Variants in NEUROD1 observed in about 807,000 individuals in gnomAD.
The protein encoded by NEUROD1 is neuronal differentiation 1.
A neutral mutation model predicts 21.8 loss-of-function variants in NEUROD1; 9 were observed. The ratio of observed to expected loss-of-function variants is 0.41; its 90% CI spans 0.25 to 0.72. The LOEUF is 0.72. Ranked by LOEUF, NEUROD1 falls within the 30% of genes least tolerant of loss-of-function variation. The pLI is 0.31. For synonymous variants in NEUROD1, 199 were observed against 186.2 expected (o/e 1.07, Z -0.56); for missense variants, 434 against 468.8 (o/e 0.93, Z 0.69).
At chr2:181,675,689 T>A (rs1688559320), downstream of NEUROD1, among the ~76,000 whole-genome samples, 1 of 150,368 alleles carries the variant, frequency 6.7e-6, no homozygotes, top group African/African-American at 2.5e-5. Flanking sequence ...ATAGACAGAA[T>A]CATCCATAAG....
chr2:181,669,324 CA>C (rs1214703735), downstream of NEUROD1, among the ~76,000 whole-genome samples: 2 of 152,012 alleles, frequency 1.3e-5, no homozygotes, highest in African/African-American at 2.4e-5. Context: ...TAATATAATG[CA>C]AAAAACAATT....
chr2:181,678,260 G>T lies in NEUROD1; in HGVS notation c.601C>A (p.Gln201Lys), dbSNP rs2105594926. The change falls in exon 2 of 2, where the codon CAG (glutamine) becomes AAG (lysine). Residue 201 changes from glutamine (Q) to lysine (K), a missense_variant. By Grantham distance (53) the Gln-to-Lys change is moderately conservative. Coordinates refer to ENST00000295108, the MANE Select transcript of NEUROD1 (RefSeq NM_002500.5). This position sits in a 1 kb window ranked among gnomAD's most constrained non-coding sequence, Gnocchi z 5.5. Reference sequence around the variant, plus strand: ...GTCGGCAGGTGGGGGGGCATGTCCTGGTTCTGCTCAGGCAGAAAAGTCCGA... The same window carrying T: ...GTCGGCAGGTGGGGGGGCATGTCCTTGTTCTGCTCAGGCAGAAAAGTCCGA... ...NPRTFLPEQN[Q>K]DMPPHLPTAS... 6.2e-7 allele frequency: 1 copy of T among 1,614,154 alleles called. No homozygotes were observed. Among genetic ancestry groups the T allele is most frequent in the South Asian group, 1.1e-5 (1 of 91,086 alleles).
downstream of NEUROD1, among the ~76,000 whole-genome samples, chr2:181,669,742 A>G (rs1339303125): frequency 6.6e-6 from 1 of 152,228 alleles, no homozygotes; most frequent in Non-Finnish European, 1.5e-5. Flanking sequence ...AGTACCAACT[A>G]TCCCAAAACA....
At chr2:181,670,520 A>G (rs17270924) in exon 2 of NEUROD1, among the ~76,000 whole-genome samples, 41,479 of 152,088 alleles carry the variant, frequency 0.27, 6,822 homozygotes, top group Middle Eastern at 0.4. Context: ...AGATTTTAGT[A>G]TACCTATCAG....
Position 181,670,488 on chromosome 2 carries a change from A to G in NEUROD1, n.3458T>C, listed in dbSNP as rs1208051933. Among the ~76,000 whole-genome samples, 4 of 152,344 alleles carry G rather than the reference A, an allele frequency of 2.6e-5. No homozygotes were observed. The East Asian group carries it at 7.7e-4, about 29-fold the overall frequency. On this transcript the variant is annotated non_coding_transcript_exon_variant, in exon 2 of 2. Transcript: ENST00000496876. ...TAAATGAACTCTCCTATACTTATAT[A>G]TATTTAACATCAATTCATTAGAGAT...
At chr2:181,671,023 GTGCA>G (rs1688490268) in exon 2 of NEUROD1, among the ~76,000 whole-genome samples, 1 of 112,962 alleles carries the variant, frequency 8.9e-6, no homozygotes. Flanking sequence ...TAGCATATGT[GTGCA>G]CACACACACA....
chr2:181,676,291 T>C (rs1486858534), downstream of NEUROD1, among the ~76,000 whole-genome samples: 1 of 152,188 alleles, frequency 6.6e-6, no homozygotes, highest in Non-Finnish European at 1.5e-5. Context: ...ATTATCTACA[T>C]AGAACTGGTG....
At chr2:181,675,454 G>T (rs1400773288), downstream of NEUROD1, among the ~76,000 whole-genome samples, 1 of 152,124 alleles carries the variant, frequency 6.6e-6, no homozygotes, top group Non-Finnish European at 1.5e-5. Context: ...TCACCAATGA[G>T]AAGGAGATTA....
chr2:181,671,402 T>C (rs1688496390), exon 2 of NEUROD1, among the ~76,000 whole-genome samples: 1 of 152,142 alleles, frequency 6.6e-6, no homozygotes, highest in Admixed American at 6.6e-5. Context: ...GATTATTCAG[T>C]TAACAAACAA....
downstream of NEUROD1, among the ~76,000 whole-genome samples, chr2:181,672,231 G>C (rs1688509150): frequency 6.6e-6 from 1 of 152,146 alleles, no homozygotes; most frequent in African/African-American, 2.4e-5. Context: ...GGGGGAGTTT[G>C]GTGCCATGCA....
intron 1 of NEUROD1, 102 bp downstream of exon 1, chr2:181,680,328 C>A (rs1288699615): frequency 6.6e-6 from 1 of 152,218 alleles, no homozygotes; most frequent in Non-Finnish European, 1.5e-5. Context: ...TCTCAATACA[C>A]ATACACACTC....
At chr2:181,669,964 C>T (rs1688473339), downstream of NEUROD1, among the ~76,000 whole-genome samples, 1 of 152,090 alleles carries the variant, frequency 6.6e-6, no homozygotes, top group Non-Finnish European at 1.5e-5. Context: ...TCCTATAAAA[C>T]CCAAAAATAG....
Position 181,678,978 on chromosome 2 carries a change from G to T in NEUROD1, c.-11-107C>A. 1 of 1,355,292 alleles carries T rather than the reference G, an allele frequency of 7.4e-7. No homozygotes were observed. The highest frequency in any genetic ancestry group is 1.0e-6 in the Non-Finnish European group (1 of 979,838). 84.0% of individuals were successfully genotyped at this position (1,355,292 alleles called of 1,614,324 possible). On this transcript the variant is annotated intron_variant, in intron 1 of 1. Coordinates refer to ENST00000295108, the MANE Select transcript of NEUROD1 (RefSeq NM_002500.5). This position sits in a 1 kb window ranked among gnomAD's most constrained non-coding sequence, Gnocchi z 5.5. The stretch of plus-strand genomic sequence containing the variant: ...ACTCCCTAAACCTGTACAAATGCTT[G>T]CGAAAAGTACCTGCCCATTACAAAA...
chr2:181,678,919 C>T lies in NEUROD1; in HGVS notation c.-11-48G>A, dbSNP rs1412657552. On this transcript the variant is annotated intron_variant, in intron 1 of 1. Transcript: ENST00000295108. This position sits in a 1 kb window ranked among gnomAD's most constrained non-coding sequence, Gnocchi z 5.5. ...AAACAGAAAGAAAAGCAGAAAAACG[C>T]TATATTCAAAAGCCAGATACGCCTT... The T allele has an allele frequency of 1.2e-6, 2 of 1,606,630 alleles. No individual in the cohort carries two copies. The highest frequency in any genetic ancestry group is 1.7e-6 in the Non-Finnish European group (2 of 1,179,062).
chr2:181,678,784 C>G lies in NEUROD1; in HGVS notation c.77G>C (p.Cys26Ser), dbSNP rs774436975. 5 of 1,613,624 alleles carry G rather than the reference C, an allele frequency of 3.1e-6. No homozygotes were observed. The East Asian group carries it at 1.1e-4, about 36-fold the overall frequency. ...PQGPPSWTDE[C>S]LSSQDEEHEA... Reference sequence around the variant, plus strand: ...GTGCTCCTCGTCCTGAGAACTGAGACACTCGTCTGTCCAGCTTGGAGGACC... The same window carrying G: ...GTGCTCCTCGTCCTGAGAACTGAGAGACTCGTCTGTCCAGCTTGGAGGACC... Residue 26 changes from cysteine to serine, a missense_variant, in exon 2 of 2, where the codon TGT (cysteine) becomes TCT (serine). Transcript: ENST00000295108. This position sits in a 1 kb window ranked among gnomAD's most constrained non-coding sequence, Gnocchi z 5.5.
At position 181,677,898 on chromosome 2, in the gene NEUROD1, G is replaced by C. The variant is rs780896354; in HGVS notation, c.963C>G (p.Thr321=). The C allele has an allele frequency of 3.1e-6, 5 of 1,614,208 alleles. No homozygotes were observed. Among genetic ancestry groups the C allele is most frequent in the Non-Finnish European group, 4.2e-6 (5 of 1,180,034 alleles). ...AQSHGSIFSG[T]AAPRCEIPID... Reference sequence around the variant, plus strand: ...TGGGGATCTCGCAGCGAGGGGCAGCGGTGCCTGAGAAGATTGATCCGTGGC... The same window carrying C: ...TGGGGATCTCGCAGCGAGGGGCAGCCGTGCCTGAGAAGATTGATCCGTGGC... The change falls in exon 2 of 2, where the codon ACC becomes ACG. Residue 321 remains threonine (T), a synonymous_variant. Transcript: ENST00000295108.
downstream of NEUROD1, among the ~76,000 whole-genome samples, chr2:181,675,902 TTTAAA>T (rs1165573655): frequency 2.0e-5 from 3 of 152,222 alleles, no homozygotes; most frequent in East Asian, 5.8e-4. Context: ...TCTTGGATTC[TTTAAA>T]TTAATTAACT....
At chr2:181,674,249 C>T (rs1688533811), downstream of NEUROD1, among the ~76,000 whole-genome samples, 1 of 152,112 alleles carries the variant, frequency 6.6e-6, no homozygotes, top group African/African-American at 2.4e-5. Flanking sequence ...TAGGAATAGT[C>T]GTGGCTCAAG....
Position 181,678,117 on chromosome 2 carries a change from G to C in NEUROD1, c.744C>G (p.Ala248=). Residue 248 remains alanine, a synonymous_variant, in exon 2 of 2, where the codon GCC becomes GCG. Coordinates refer to ENST00000295108, the MANE Select transcript of NEUROD1 (RefSeq NM_002500.5). This position sits in a 1 kb window ranked among gnomAD's most constrained non-coding sequence, Gnocchi z 5.5. ...AGAAGGGCTCCAGCGCTGCGCTGTA[G>C]GCGTGCGGCGGAGGCTTAACGTGGA... ...HVFHVKPPPH[A]YSAALEPFFE... is the part of the protein sequence containing the mutation. The C allele has an allele frequency of 6.2e-7, 1 of 1,614,230 alleles. No individual in the cohort carries two copies. Among genetic ancestry groups the C allele is most frequent in the Non-Finnish European group, 8.5e-7 (1 of 1,180,038 alleles).
Sources: gnomAD v4.1 joint callset for allele counts (sites outside exome capture counted in the v4.1 genomes callset) on GRCh38, gnomAD v4.1.1 for gene constraint, Gnocchi (gnomAD v3.1) non-coding constraint, MANE v1.5 for transcripts, NCBI Gene and HGNC (gene_info 2026-07-23, HGNC 2026-07-21) for gene names.